The following CPNE8 variants were observed in gnomAD, a reference collection of about 807,000 sequenced individuals.
The protein encoded by CPNE8 is copine 8.
A neutral mutation model predicts 81.5 loss-of-function variants in CPNE8; 45 were observed. The ratio of observed to expected loss-of-function variants is 0.55; its 90% confidence interval spans 0.44 to 0.71. CPNE8 has a LOEUF of 0.71. Ranked by LOEUF, CPNE8 falls within the 30% of genes least tolerant of loss-of-function variation. The pLI is 0.00. For synonymous variants in CPNE8, 252 were observed against 226.3 expected (o/e 1.11, Z -1.02); for missense variants, 594 against 672.1 (o/e 0.88, Z 1.28).
At chr12:38,902,270 A>AAAAAG (rs1565669820) in intron 1 of CPNE8, among the ~76,000 whole-genome samples, 1 of 117,368 alleles carries the variant, frequency 8.5e-6, no homozygotes, top group South Asian at 2.8e-4. Flanking sequence ...GAAAGAAAGA[A>AAAAAG]AAAGAAAAGA....
chr12:38,686,140 T>C (rs1227182010), intron 15 of CPNE8, among the ~76,000 whole-genome samples: 1 of 152,140 alleles, frequency 6.6e-6, no homozygotes, highest in Non-Finnish European at 1.5e-5. Context: ...CAATTTTACC[T>C]GACAGCAGAA....
intron 5 of CPNE8, among the ~76,000 whole-genome samples, chr12:38,838,074 C>A (rs925246942): frequency 6.6e-6 from 1 of 152,124 alleles, no homozygotes; most frequent in Non-Finnish European, 1.5e-5. Flanking sequence ...CTTAAGGCAA[C>A]TCCACTGATA....
Position 38,687,370 on chromosome 12 carries a change from C to CTTTTTTTTTTTTTTTTTTTTTTTTTT in CPNE8, c.1144-1754_1144-1753insAAAAAAAAAAAAAAAAAAAAAAAAAA, listed in dbSNP as rs35643732. Among the ~76,000 whole-genome samples the CTTTTTTTTTTTTTTTTTTTTTTTTTT allele has an allele frequency of 3.1e-5, 3 of 95,494 alleles. 1 individual carries two copies. Among genetic ancestry groups the CTTTTTTTTTTTTTTTTTTTTTTTTTT allele is most frequent in the Admixed American group, 1.3e-4 (1 of 7,962 alleles). 62.6% of individuals were successfully genotyped at this position (95,494 alleles called of 152,430 possible). On this transcript the variant is annotated intron_variant, in intron 15 of 19. Transcript: ENST00000331366. Reference sequence around the variant, plus strand: ...GCTACCAAATTACGAAATGCCAAGACTTTCTTTTTTTTTTTTTTTTTTTTT... The same window carrying CTTTTTTTTTTTTTTTTTTTTTTTTTT: ...GCTACCAAATTACGAAATGCCAAGACTTTTTTTTTTTTTTTTTTTTTTTTTTTTTCTTTTTTTTTTTTTTTTTTTTT...
intron 7 of CPNE8, among the ~76,000 whole-genome samples, chr12:38,774,272 A>G (rs78389087): frequency 0.013 from 1,962 of 152,302 alleles, 49 homozygotes; most frequent in African/African-American, 0.044. Flanking sequence ...AAATCTGCTC[A>G]ATAAACTCAA....
intron 1 of CPNE8, among the ~76,000 whole-genome samples, chr12:38,883,254 A>T (rs919000763): frequency 2.6e-5 from 4 of 152,162 alleles, no homozygotes; most frequent in Non-Finnish European, 5.9e-5. Flanking sequence ...TTTTCTATTG[A>T]TTTCTGAATT....
At chr12:38,817,061 C>T (rs1943037117) in intron 6 of CPNE8, among the ~76,000 whole-genome samples, 2 of 152,182 alleles carry the variant, frequency 1.3e-5, no homozygotes, top group Admixed American at 1.3e-4. Flanking sequence ...TGTCTAATCT[C>T]TCCCCTTCCC....
At chr12:38,724,281 A>G (rs2136747849) in intron 12 of CPNE8, among the ~76,000 whole-genome samples, 1 of 152,286 alleles carries the variant, frequency 6.6e-6, no homozygotes, top group South Asian at 2.1e-4. Flanking sequence ...AAATTGAGGG[A>G]AAAGTTAGAT....
At chr12:38,861,124 AAAC>A (rs1431479518) in intron 3 of CPNE8, among the ~76,000 whole-genome samples, 2 of 152,210 alleles carry the variant, frequency 1.3e-5, no homozygotes, top group African/African-American at 4.8e-5. Flanking sequence ...TAACTGAAAT[AAAC>A]AAGTCACAGA....
intron 6 of CPNE8, 84 bp downstream of exon 6, chr12:38,829,295 C>A: frequency 1.2e-6 from 1 of 856,698 alleles, no homozygotes; most frequent in Non-Finnish European, 1.9e-6. Context: ...TTTTGCTCCA[C>A]AACCATGCAT....
rs1188686923 is a variant in CPNE8 at position 38,693,638 on chromosome 12, C to T, written c.1143+19G>A. Reference sequence around the variant, plus strand: ...ACATTAATTTTTCAAAACATCAAATCCTTTTGACAAATTCTTACCAAAGCA... The same window carrying T: ...ACATTAATTTTTCAAAACATCAAATTCTTTTGACAAATTCTTACCAAAGCA... On this transcript the variant is annotated intron_variant, in intron 15 of 19. Transcript: ENST00000331366. 1.3e-6 allele frequency: 2 copies of T among 1,593,406 alleles called. No homozygotes were observed. The highest frequency in any genetic ancestry group is 1.7e-6 in the Non-Finnish European group (2 of 1,169,696).
At chr12:38,741,843 C>G (rs1241867824) in intron 10 of CPNE8, among the ~76,000 whole-genome samples, 3 of 152,046 alleles carry the variant, frequency 2.0e-5, no homozygotes, top group African/African-American at 7.2e-5. Context: ...AACAAACAAC[C>G]CCATCAAAAA....
intron 13 of CPNE8, among the ~76,000 whole-genome samples, chr12:38,704,730 T>C (rs1216223845): frequency 1.3e-5 from 2 of 151,094 alleles, no homozygotes; most frequent in Non-Finnish European, 2.9e-5. Flanking sequence ...CATGCTGCTT[T>C]TCTTTCTACT....
intron 3 of CPNE8, among the ~76,000 whole-genome samples, chr12:38,855,823 G>GT (rs1424376859): frequency 6.6e-6 from 1 of 151,914 alleles, no homozygotes; most frequent in East Asian, 1.9e-4. Context: ...ATATCACATT[G>GT]TATCCCATAA....
chr12:38,675,034 G>A (rs1488148680), intron 18 of CPNE8, among the ~76,000 whole-genome samples: 1 of 152,096 alleles, frequency 6.6e-6, no homozygotes, highest in East Asian at 1.9e-4. Flanking sequence ...AGATGACTAC[G>A]AACATTTACC....
intron 10 of CPNE8, among the ~76,000 whole-genome samples, chr12:38,731,740 C>A (rs1940835404): frequency 6.6e-6 from 1 of 151,898 alleles, no homozygotes; most frequent in South Asian, 2.1e-4. Context: ...AACTCACTTT[C>A]AAGTTACCCA....
At chr12:38,673,395 T>G (rs914844467) in intron 18 of CPNE8, among the ~76,000 whole-genome samples, 4 of 152,148 alleles carry the variant, frequency 2.6e-5, no homozygotes, top group Non-Finnish European at 5.9e-5. Flanking sequence ...TAGAGTAGAT[T>G]TGGAAGTGTC....
chr12:38,663,411 A>G (rs1046536968), intron 19 of CPNE8, among the ~76,000 whole-genome samples: 8 of 152,146 alleles, frequency 5.3e-5, no homozygotes, highest in African/African-American at 1.9e-4. Context: ...AAATGCTGAA[A>G]AATCACTATT....
intron 1 of CPNE8, among the ~76,000 whole-genome samples, chr12:38,884,498 T>C (rs930048732): frequency 1.3e-5 from 2 of 152,228 alleles, no homozygotes; most frequent in African/African-American, 4.8e-5. Flanking sequence ...GCAATGAAGA[T>C]TTGTACAAGT....
At chr12:38,810,818 A>G (rs1209486787) in intron 6 of CPNE8, among the ~76,000 whole-genome samples, 2 of 152,108 alleles carry the variant, frequency 1.3e-5, no homozygotes, top group Non-Finnish European at 2.9e-5. Flanking sequence ...AAGTTCATTC[A>G]TGTTGTTGGC....
Sources: gnomAD v4.1 joint callset for allele counts (sites outside exome capture counted in the v4.1 genomes callset) on GRCh38, gnomAD v4.1.1 for gene constraint, MANE v1.5 for transcripts, NCBI Gene and HGNC (gene_info 2026-07-23, HGNC 2026-07-21) for gene names.